The following THSD7A variants were observed in gnomAD, a reference collection of about 807,000 sequenced individuals.
THSD7A encodes thrombospondin type-1 domain-containing protein 7A.
Under a neutral mutation model 231.3 loss-of-function variants are expected in THSD7A, and 96 were observed. That is an observed-to-expected ratio of 0.41 (90% CI 0.35 to 0.49). THSD7A has a LOEUF of 0.49. Among genes scored for constraint, THSD7A ranks in the 20% least tolerant of loss-of-function variants. The pLI, the probability that THSD7A is intolerant of heterozygous loss-of-function variation, is 0.05. For synonymous variants in THSD7A, 940 were observed against 743.3 expected (o/e 1.26, Z -4.30); for missense variants, 2,290 against 2,070.2 (o/e 1.11, Z -2.06).
chr7:11,396,449 G>T (rs189359956), intron 23 of THSD7A, among the ~76,000 whole-genome samples: 33 of 152,194 alleles, frequency 2.2e-4, no homozygotes, highest in Non-Finnish European at 4.6e-4. Flanking sequence ...TGATAAAGGG[G>T]ATATCATCAC....
At chr7:11,717,037 G>T (rs548177650) in intron 1 of THSD7A, among the ~76,000 whole-genome samples, 1 of 151,644 alleles carries the variant, frequency 6.6e-6, no homozygotes, top group South Asian at 2.1e-4. Context: ...ACTTCCCCAA[G>T]AGTTCCATTT....
chr7:11,512,792 G>A (rs12374954), intron 6 of THSD7A, among the ~76,000 whole-genome samples: 1 of 105,226 alleles, frequency 9.5e-6, no homozygotes, highest in Non-Finnish European at 1.8e-5. Flanking sequence ...GCGGGGGGAG[G>A]GGGGAGGGAT....
chr7:11,400,824 C>T (rs140682291), intron 23 of THSD7A, among the ~76,000 whole-genome samples: 1 of 152,280 alleles, frequency 6.6e-6, no homozygotes, highest in East Asian at 1.9e-4. Flanking sequence ...CTACTTGCTA[C>T]TATGTCATAT....
intron 6 of THSD7A, among the ~76,000 whole-genome samples, chr7:11,485,500 C>T (rs1205194878): frequency 6.6e-6 from 1 of 152,194 alleles, no homozygotes; most frequent in Non-Finnish European, 1.5e-5. Flanking sequence ...TTGTATACAT[C>T]ACCTCAGCTA....
chr7:11,820,717 C>G (rs748794720), intron 1 of THSD7A: 3 of 1,015,824 alleles, frequency 3.0e-6, no homozygotes, highest in Non-Finnish European at 4.7e-6. Context: ...TGGAGCTCTC[C>G]TCTCTTTTCT....
At chr7:11,469,641 C>G (rs1158347524) in intron 9 of THSD7A, among the ~76,000 whole-genome samples, 1 of 152,070 alleles carries the variant, frequency 6.6e-6, no homozygotes, top group African/African-American at 2.4e-5. Context: ...GATTTAGAAT[C>G]CTTCACTTTA....
At chr7:11,455,636 TCAG>T (rs1785284365) in intron 11 of THSD7A, among the ~76,000 whole-genome samples, 1 of 151,996 alleles carries the variant, frequency 6.6e-6, no homozygotes, top group Non-Finnish European at 1.5e-5. Flanking sequence ...ATATAATAGA[TCAG>T]AAAAACTTTT....
rs1583634746 is a variant in THSD7A at position 11,379,571 on chromosome 7, A to C, written c.4590+59T>G. The C allele has an allele frequency of 6.3e-6, 9 of 1,431,446 alleles. No individual in the cohort carries two copies. In the East Asian group the frequency reaches 2.2e-4, roughly 35 times the overall value. The allele number at this position is 1,431,446 out of a possible 1,614,324, so 88.7% of individuals were successfully genotyped here. ...TTTGGAGGAAGATAAACTGCATAAG[A>C]GACAGTGGGGTGACACATGATGGAG... On this transcript the variant is annotated intron_variant, in intron 25 of 27. Coordinates refer to ENST00000423059, the MANE Select transcript of THSD7A (RefSeq NM_015204.3).
At chr7:11,579,011 CTTAAA>C (rs72264828) in intron 4 of THSD7A, among the ~76,000 whole-genome samples, 43,984 of 151,688 alleles carry the variant, frequency 0.29, 6,476 homozygotes, top group South Asian at 0.42. Flanking sequence ...GCATTTTTTT[CTTAAA>C]TTAATTTCCC....
intron 6 of THSD7A, among the ~76,000 whole-genome samples, chr7:11,509,944 G>A (rs1787734551): frequency 2.0e-5 from 3 of 151,844 alleles, no homozygotes; most frequent in Admixed American, 2.0e-4. Flanking sequence ...AGTGTTGGAG[G>A]TAATGGCTAT....
intron 4 of THSD7A, among the ~76,000 whole-genome samples, chr7:11,545,254 G>C (rs929973056): frequency 6.6e-6 from 1 of 151,992 alleles, no homozygotes; most frequent in African/African-American, 2.4e-5. Flanking sequence ...TCCTTCAATT[G>C]ATGAAAAGTC....
At chr7:11,449,709 C>A (rs962821382) in intron 11 of THSD7A, among the ~76,000 whole-genome samples, 9 of 151,988 alleles carry the variant, frequency 5.9e-5, no homozygotes, top group African/African-American at 2.2e-4. Context: ...AAACGAGCTG[C>A]TATGATTTTG....
intron 13 of THSD7A, among the ~76,000 whole-genome samples, chr7:11,442,624 G>A (rs763187210): frequency 5.9e-5 from 9 of 152,064 alleles, no homozygotes; most frequent in Non-Finnish European, 1.0e-4. Context: ...GAGTGGCAAA[G>A]TCATAACATT....
At chr7:11,534,682 T>C (rs187237626) in intron 6 of THSD7A, among the ~76,000 whole-genome samples, 15 of 152,166 alleles carry the variant, frequency 9.9e-5, no homozygotes, top group Admixed American at 9.2e-4. Flanking sequence ...GAATAGGGAA[T>C]ACAGAATCAA....
chr7:11,656,038 A>G (rs575525946), intron 1 of THSD7A, among the ~76,000 whole-genome samples: 4 of 151,966 alleles, frequency 2.6e-5, no homozygotes, highest in African/African-American at 9.6e-5. Flanking sequence ...TCACTGATAC[A>G]GGTTCTTGAG....
In THSD7A at chr7:11,406,887, G is replaced by C; in HGVS notation, c.4062+23C>G. The C allele has an allele frequency of 6.2e-7, 1 of 1,613,160 alleles. No homozygotes were observed. Among genetic ancestry groups the C allele is most frequent in the Non-Finnish European group, 8.5e-7 (1 of 1,179,534 alleles). ...TCTGCAGATAGAGTACACACTTCCT[G>C]ACAACTTCTTGAGATTTGATACCTG... On this transcript the variant is annotated intron_variant, in intron 21 of 27. Coordinates refer to ENST00000423059, the MANE Select transcript of THSD7A (RefSeq NM_015204.3). The surrounding 1 kb of genome is among the most constrained non-coding windows in gnomAD (Gnocchi z 4.7).
chr7:11,599,950 C>T (rs1055366053), intron 2 of THSD7A, among the ~76,000 whole-genome samples: 2 of 151,888 alleles, frequency 1.3e-5, no homozygotes, highest in East Asian at 3.9e-4. Context: ...ACTAGAGTGG[C>T]CTAACCTCTC....
At chr7:11,486,934 T>C (rs182882682) in intron 6 of THSD7A, among the ~76,000 whole-genome samples, 1 of 152,302 alleles carries the variant, frequency 6.6e-6, no homozygotes, top group Admixed American at 6.5e-5. Flanking sequence ...TTTAAACTTA[T>C]TTGGAATACC....
intron 4 of THSD7A, among the ~76,000 whole-genome samples, chr7:11,563,772 A>G (rs1373132624): frequency 6.6e-6 from 1 of 152,172 alleles, no homozygotes; most frequent in African/African-American, 2.4e-5. Flanking sequence ...CATAATCAAT[A>G]TCTTCAGTAT....
Sources: allele counts gnomAD v4.1 joint callset (sites outside exome capture counted in the v4.1 genomes callset), GRCh38; gene constraint gnomAD v4.1.1; non-coding constraint Gnocchi (gnomAD v3.1); transcripts MANE v1.5; gene names NCBI Gene and HGNC (gene_info 2026-07-23, HGNC 2026-07-21).